The following SHC3 variants were observed in gnomAD, a reference collection of about 807,000 sequenced individuals.
SHC3 encodes the protein SHC-transforming protein 3.
Under a neutral mutation model 60.4 loss-of-function variants are expected in SHC3, and 15 were observed. That is an observed-to-expected ratio of 0.25 (90% CI 0.17 to 0.38). The LOEUF (loss-of-function observed/expected upper bound fraction) is 0.38. Among genes scored for constraint, SHC3 ranks in the 10% least tolerant of loss-of-function variants. SHC3 has a pLI of 1.00. For missense variants in SHC3, 677 were observed against 786.1 expected (o/e 0.86, Z 1.66); for synonymous variants, 294 against 325.9 (o/e 0.90, Z 1.05).
intron 11 of SHC3, among the ~76,000 whole-genome samples, chr9:89,019,384 A>C (rs1046643941): frequency 4.6e-5 from 7 of 152,184 alleles, no homozygotes; most frequent in Non-Finnish European, 7.3e-5. Context: ...TGTGGTCAGA[A>C]GGCCTCACCT....
chr9:89,042,480 G>A (rs986811310), intron 9 of SHC3, among the ~76,000 whole-genome samples: 2 of 152,200 alleles, frequency 1.3e-5, no homozygotes, highest in African/African-American at 4.8e-5. Context: ...CAAGACCGCA[G>A]GAGCCTGGCA....
intron 1 of SHC3, among the ~76,000 whole-genome samples, chr9:89,151,659 G>T (rs925222933): frequency 6.6e-6 from 1 of 152,076 alleles, no homozygotes; most frequent in Admixed American, 6.6e-5. Flanking sequence ...TTGTTGAGTT[G>T]TAAGTATTCT....
At chr9:89,174,048 T>C (rs1826908002) in intron 1 of SHC3, among the ~76,000 whole-genome samples, 1 of 152,176 alleles carries the variant, frequency 6.6e-6, no homozygotes, top group South Asian at 2.1e-4. Flanking sequence ...TATTTTAATA[T>C]AGTTAAAATA....
In SHC3 at chr9:89,087,921, C is replaced by A. The variant is rs144441690; in HGVS notation, c.546-10018G>T. Among the ~76,000 whole-genome samples, 937 of 152,188 alleles carry A rather than the reference C, an allele frequency of 6.2e-3. 9 individuals carry two copies. Among genetic ancestry groups the A allele is most frequent in the African/African-American group, 0.021 (880 of 41,518 alleles). On this transcript the variant is annotated intron_variant, in intron 2 of 11. Transcript: ENST00000375835. ...AGATACCAACATGACAGATAGTAGG[C>A]CCTGAAGGAAATGAAAGTATTTTAC...
chr9:89,080,137 G>A (rs1377197456), intron 2 of SHC3, among the ~76,000 whole-genome samples: 4 of 152,188 alleles, frequency 2.6e-5, no homozygotes, highest in East Asian at 1.9e-4. Flanking sequence ...AGTGTAGTAC[G>A]TTTTGGTAAG....
intron 2 of SHC3, among the ~76,000 whole-genome samples, chr9:89,084,857 T>C (rs1222512642): frequency 1.3e-5 from 2 of 152,126 alleles, no homozygotes; most frequent in Non-Finnish European, 2.9e-5. Flanking sequence ...AGATGAGCCA[T>C]CAAGAAGCTG....
chr9:89,166,662 A>G (rs932603256), intron 1 of SHC3, among the ~76,000 whole-genome samples: 1 of 152,140 alleles, frequency 6.6e-6, no homozygotes, highest in African/African-American at 2.4e-5. Flanking sequence ...ATCACTATCC[A>G]CAGACTGGGA....
Position 89,038,059 on chromosome 9 carries a change from G to C in SHC3, c.1590C>G (p.Ser530=), listed in dbSNP as rs188886677. 1 of 1,613,970 alleles carries C rather than the reference G, an allele frequency of 6.2e-7. No individual in the cohort carries two copies. The highest frequency in any genetic ancestry group is 2.2e-5 in the East Asian group (1 of 44,870). Residue 530 remains serine (S), a synonymous_variant, in exon 11 of 12, where the codon TCC becomes TCG. Transcript: ENST00000375835. Reference sequence around the variant, plus strand: ...CATTGTGCATGCCCGTGAGGACAAAGGAGCCCGGGTTGGTGGTGCTCTTCC... The same window carrying C: ...CATTGTGCATGCCCGTGAGGACAAACGAGCCCGGGTTGGTGGTGCTCTTCC... ...LVRKSTTNPG[S]FVLTGMHNGQ...
rs1825105636 is a variant in SHC3, at chr9:89,062,381, G to A, written c.835+3148C>T. On this transcript the variant is annotated intron_variant, in intron 6 of 11. Coordinates refer to ENST00000375835, the MANE Select transcript of SHC3 (RefSeq NM_016848.6). ...GCTCATTTTCCACCCTTATCTCTTT[G>A]AGATGGTGGTGGTGGTGGTTACCAT... Among the ~76,000 whole-genome samples the A allele has an allele frequency of 5.3e-5, 8 of 152,254 alleles. No homozygotes were observed. The South Asian group carries it at 1.0e-3, about 20-fold the overall frequency.
At chr9:89,039,482 T>C (rs1030289720) in intron 10 of SHC3, among the ~76,000 whole-genome samples, 1 of 152,190 alleles carries the variant, frequency 6.6e-6, no homozygotes, top group African/African-American at 2.4e-5. Flanking sequence ...TTACCTGGAA[T>C]TGTCATTTGT....
At chr9:89,028,178 C>T (rs79034197) in intron 11 of SHC3, among the ~76,000 whole-genome samples, 2,927 of 152,200 alleles carry the variant, frequency 0.019, 33 homozygotes, top group South Asian at 0.029. Context: ...CATGTCATTC[C>T]CTCTATCCTC....
At chr9:89,156,701 T>A (rs1826628724) in intron 1 of SHC3, among the ~76,000 whole-genome samples, 1 of 152,190 alleles carries the variant, frequency 6.6e-6, no homozygotes, top group African/African-American at 2.4e-5. Context: ...ATGGAGCCAC[T>A]GGCACACAGA....
chr9:89,149,517 C>T (rs1336699599), intron 1 of SHC3, among the ~76,000 whole-genome samples: 1 of 152,138 alleles, frequency 6.6e-6, no homozygotes, highest in Non-Finnish European at 1.5e-5. Context: ...CACTAGGATC[C>T]TGTCGTCTAA....
chr9:89,119,265 G>A (rs1233408741), intron 1 of SHC3, among the ~76,000 whole-genome samples: 1 of 151,750 alleles, frequency 6.6e-6, no homozygotes. Flanking sequence ...TAAAAAGAAG[G>A]GATACAAGTA....
chr9:89,059,194 A>C (rs1825017476), intron 6 of SHC3, among the ~76,000 whole-genome samples: 1 of 121,702 alleles, frequency 8.2e-6, no homozygotes, highest in Non-Finnish European at 1.7e-5. Flanking sequence ...GGTGGAGGAC[A>C]GTGGTGGAGG....
intron 1 of SHC3, among the ~76,000 whole-genome samples, chr9:89,139,765 G>A (rs541271091): frequency 1.3e-5 from 2 of 152,288 alleles, no homozygotes; most frequent in East Asian, 3.9e-4. Flanking sequence ...CAGTCAAAGC[G>A]TTGGTAAAAT....
intron 2 of SHC3, among the ~76,000 whole-genome samples, chr9:89,104,374 G>A (rs78235501): frequency 0.013 from 2,032 of 152,308 alleles, 20 homozygotes; most frequent in South Asian, 0.034. Flanking sequence ...ACAAAACTCT[G>A]TGGGGTCGGC....
At chr9:89,078,780 A>G (rs1825401660) in intron 2 of SHC3, among the ~76,000 whole-genome samples, 1 of 152,202 alleles carries the variant, frequency 6.6e-6, no homozygotes, top group Non-Finnish European at 1.5e-5. Flanking sequence ...GGGTCCAGAA[A>G]GGAGCTGGTG....
chr9:89,142,968 A>G lies in SHC3; in HGVS notation c.475-30342T>C, dbSNP rs559906321. On this transcript the variant is annotated intron_variant, in intron 1 of 11. Transcript: ENST00000375835. ...CAGTATTGTCCCTTCCATGGTCACC[A>G]GAAAGATGTTACCAGAAATGGGTCC... is the stretch of plus-strand genomic sequence containing the variant. Among the ~76,000 whole-genome samples the G allele has an allele frequency of 3.3e-5, 5 of 152,302 alleles. No homozygotes were observed. The East Asian group carries it at 9.7e-4, about 29-fold the overall frequency.
Sources: allele counts gnomAD v4.1 joint callset (sites outside exome capture counted in the v4.1 genomes callset), GRCh38; gene constraint gnomAD v4.1.1; transcripts MANE v1.5; gene names NCBI Gene and HGNC (gene_info 2026-07-23, HGNC 2026-07-21).